The following CHRM2 variants were observed in gnomAD, a reference collection of about 807,000 sequenced individuals.
The protein encoded by CHRM2 is muscarinic acetylcholine receptor M2.
Under a neutral mutation model 25.0 loss-of-function variants are expected in CHRM2, and 8 were observed. The observed-to-expected ratio is 0.32, with a 90% confidence interval of 0.19 to 0.58. The LOEUF (loss-of-function observed/expected upper bound fraction) is 0.58, where lower values mean the gene tolerates loss of function less well. Ranked by LOEUF, CHRM2 falls within the 20% of genes least tolerant of loss-of-function variation. The probability of loss-of-function intolerance (pLI) is 0.88; values close to 1 mark genes in which losing one functional copy is unlikely to be tolerated. For missense variants in CHRM2, 440 were observed against 567.1 expected, an observed-to-expected ratio of 0.78 and a Z score of 2.28; for synonymous variants, 202 against 205.7, an observed-to-expected ratio of 0.98 and a Z score of 0.15.
intron 2 of CHRM2, among the ~76,000 whole-genome samples, chr7:136,984,160 G>A (rs1802680713): frequency 6.6e-6 from 1 of 152,138 alleles, no homozygotes. Context: ...ATCTAGAGAG[G>A]CAGTCTGGCT....
chr7:136,874,377 T>C (rs939464404), intron 2 of CHRM2, among the ~76,000 whole-genome samples: 7 of 152,200 alleles, frequency 4.6e-5, no homozygotes, highest in African/African-American at 1.7e-4. Context: ...TCACATGTTC[T>C]AGCTCCTTCT....
intron 2 of CHRM2, among the ~76,000 whole-genome samples, chr7:136,934,175 T>C (rs1237352527): frequency 6.6e-6 from 1 of 152,132 alleles, no homozygotes; most frequent in Non-Finnish European, 1.5e-5. Context: ...CAATTTCTCC[T>C]ATGGAATTTT....
At chr7:137,004,796 C>T (rs1182647094) in intron 3 of CHRM2, among the ~76,000 whole-genome samples, 1 of 152,036 alleles carries the variant, frequency 6.6e-6, no homozygotes, top group East Asian at 1.9e-4. Context: ...ATCTCAATTG[C>T]CATTAGATCA....
chr7:136,918,326 A>T (rs1298449954), intron 2 of CHRM2, among the ~76,000 whole-genome samples: 5 of 152,104 alleles, frequency 3.3e-5, no homozygotes, highest in African/African-American at 4.8e-5. Context: ...ATATTTGATG[A>T]AATTGTGACT....
At chr7:136,955,788 T>C (rs1341420953) in intron 2 of CHRM2, among the ~76,000 whole-genome samples, 1 of 152,208 alleles carries the variant, frequency 6.6e-6, no homozygotes, top group Non-Finnish European at 1.5e-5. Context: ...TATCATAAAA[T>C]GAAGTTGATA....
intron 3 of CHRM2, among the ~76,000 whole-genome samples, chr7:137,007,456 C>G (rs950522176): frequency 6.6e-6 from 1 of 152,094 alleles, no homozygotes; most frequent in Non-Finnish European, 1.5e-5. Flanking sequence ...AGGGCCCCCA[C>G]TACTCCTTGC....
chr7:136,939,658 T>C (rs1355412437), intron 2 of CHRM2, among the ~76,000 whole-genome samples: 5 of 152,212 alleles, frequency 3.3e-5, no homozygotes, highest in Non-Finnish European at 5.9e-5. Flanking sequence ...AAAATAAGTA[T>C]AGTGGGACTT....
chr7:136,991,451 G>A (rs1803222998), intron 2 of CHRM2, among the ~76,000 whole-genome samples: 1 of 152,012 alleles, frequency 6.6e-6, no homozygotes, highest in African/African-American at 2.4e-5. Flanking sequence ...ATATTCATGT[G>A]GGTCTATTTC....
At chr7:136,952,745 C>T (rs1563086724) in intron 2 of CHRM2, among the ~76,000 whole-genome samples, 1 of 152,078 alleles carries the variant, frequency 6.6e-6, no homozygotes, top group South Asian at 2.1e-4. Context: ...CCAATAGGCC[C>T]CCGTATATGT....
At chr7:136,873,340 G>T (rs1169266381) in intron 2 of CHRM2, among the ~76,000 whole-genome samples, 1 of 152,176 alleles carries the variant, frequency 6.6e-6, no homozygotes, top group Non-Finnish European at 1.5e-5. Context: ...CCTTAGGCAG[G>T]TATTTTTGCT....
At chr7:136,948,118 G>A (rs1800178534) in intron 2 of CHRM2, among the ~76,000 whole-genome samples, 2 of 152,060 alleles carry the variant, frequency 1.3e-5, no homozygotes, top group Non-Finnish European at 2.9e-5. Flanking sequence ...CTGTTCACAG[G>A]ACAGATTCTA....
intron 2 of CHRM2, among the ~76,000 whole-genome samples, chr7:136,949,760 G>A (rs903319833): frequency 2.1e-5 from 3 of 144,234 alleles, no homozygotes; most frequent in African/African-American, 5.2e-5. Context: ...TTTTTTTGGA[G>A]ACAGAGTCTT....
At chr7:136,892,778 T>C (rs1023648018) in intron 2 of CHRM2, among the ~76,000 whole-genome samples, 26 of 151,710 alleles carry the variant, frequency 1.7e-4, no homozygotes, top group African/African-American at 6.3e-4. Context: ...CCATCGATTC[T>C]CCTGCCTCAG....
In CHRM2 at chr7:137,019,019, G is replaced by A. The variant is rs535125335; in HGVS notation, c.*2753G>A. 6.6e-6 allele frequency: 1 copy of A among 152,006 alleles called. No homozygotes were observed. The highest frequency in any genetic ancestry group is 2.4e-5 in the African/African-American group (1 of 41,506). 9.4% of individuals were successfully genotyped at this position (152,006 alleles called of 1,614,324 possible). ...ATGCTATTGGTATCTAGTGCATAGA[G>A]GCTGGGAATGCTGCTAAATAGCCTA... On this transcript the variant is annotated 3_prime_UTR_variant, in exon 4 of 4. Transcript: ENST00000680005.
At chr7:137,003,614 G>T (rs1309973689) in intron 3 of CHRM2, among the ~76,000 whole-genome samples, 1 of 151,796 alleles carries the variant, frequency 6.6e-6, no homozygotes, top group Non-Finnish European at 1.5e-5. Context: ...GTATTCTGGG[G>T]TTAGTAACTA....
At chr7:136,948,215 A>G (rs1024382598) in intron 2 of CHRM2, among the ~76,000 whole-genome samples, 4 of 152,172 alleles carry the variant, frequency 2.6e-5, no homozygotes, top group Non-Finnish European at 5.9e-5. Flanking sequence ...AGAAATGAAA[A>G]TGAGAAAATG....
Position 137,015,250 on chromosome 7 carries a change from C to G in CHRM2, c.385C>G (p.Leu129Val). 1 of 1,613,396 alleles carries G rather than the reference C, an allele frequency of 6.2e-7. No individual in the cohort carries two copies. The highest frequency in any genetic ancestry group is 8.5e-7 in the Non-Finnish European group (1 of 1,179,654). ...FDRYFCVTKP[L>V]TYPVKRTTKM... ...CAGGTACTTCTGTGTCACAAAACCTCTGACCTACCCAGTCAAGCGGACCAC... is the reference window on the plus strand; with the variant it reads ...CAGGTACTTCTGTGTCACAAAACCTGTGACCTACCCAGTCAAGCGGACCAC... Residue 129 changes from leucine (L) to valine (V), a missense_variant, in exon 4 of 4, where the codon CTG (leucine) becomes GTG (valine). Transcript: ENST00000680005. This position sits in a 1 kb window ranked among gnomAD's most constrained non-coding sequence, Gnocchi z 5.1.
At chr7:136,998,886 A>G (rs892651387) in intron 3 of CHRM2, among the ~76,000 whole-genome samples, 5 of 152,200 alleles carry the variant, frequency 3.3e-5, no homozygotes, top group African/African-American at 1.2e-4. Flanking sequence ...AAACATGTGC[A>G]CATAGTGACT....
chr7:136,917,810 G>A (rs542894482), intron 2 of CHRM2, among the ~76,000 whole-genome samples: 3 of 152,062 alleles, frequency 2.0e-5, no homozygotes, highest in Non-Finnish European at 4.4e-5. Flanking sequence ...TAGGCTTATT[G>A]GGTAGGCTTA....
Sources: allele counts gnomAD v4.1 joint callset (sites outside exome capture counted in the v4.1 genomes callset), GRCh38; gene constraint gnomAD v4.1.1; non-coding constraint Gnocchi (gnomAD v3.1); transcripts MANE v1.5; gene names NCBI Gene and HGNC (gene_info 2026-07-23, HGNC 2026-07-21).